PLXDC2: variants seen among roughly 807,000 people sequenced by gnomAD.
The protein encoded by PLXDC2 is plexin domain-containing protein 2.
In PLXDC2, 40 loss-of-function variants were observed where a neutral mutation model predicts 68.9. The observed-to-expected ratio is 0.58, with a 90% CI of 0.45 to 0.76. The LOEUF (loss-of-function observed/expected upper bound fraction) is 0.76, where lower values mean the gene tolerates loss of function less well. Ranked by LOEUF, PLXDC2 falls within the 30% of genes least tolerant of loss-of-function variation. The probability of loss-of-function intolerance (pLI) is 0.00; values close to 1 mark genes in which losing one functional copy is unlikely to be tolerated. For missense variants in PLXDC2, 644 were observed against 661.9 expected (o/e 0.97, Z 0.30); for synonymous variants, 243 against 234.2 (o/e 1.04, Z -0.34).
At chr10:20,195,333 C>A (rs1245690640) in intron 9 of PLXDC2, among the ~76,000 whole-genome samples, 1 of 152,012 alleles carries the variant, frequency 6.6e-6, no homozygotes, top group Admixed American at 6.6e-5. Flanking sequence ...AAAATGCTAA[C>A]CTTCTTAATC....
intron 1 of PLXDC2, among the ~76,000 whole-genome samples, chr10:19,898,363 T>C (rs2131365433): frequency 6.6e-6 from 1 of 152,326 alleles, no homozygotes; most frequent in Non-Finnish European, 1.5e-5. Flanking sequence ...TGGTTATATA[T>C]AGGTAAATTC....
chr10:20,029,721 A>G (rs573005134), intron 2 of PLXDC2, among the ~76,000 whole-genome samples: 113 of 152,354 alleles, frequency 7.4e-4, no homozygotes, highest in African/African-American at 2.7e-3. Context: ...ATTTCTGCAA[A>G]ATCAGCAAAA....
rs1335148626 is a variant in PLXDC2 at position 20,279,734 on chromosome 10, T to C, written c.1505T>C (p.Phe502Ser). 6.2e-7 allele frequency: 1 copy of C among 1,613,960 alleles called. No individual in the cohort carries two copies. ...RRPSRWPAMK[F>S]RRGSGHPAYA... ...CCAAGCAGATGGCCTGCGATGAAGT[T>C]TAGAAGAGGCTCTGGACATCCTGCC... Residue 502 changes from phenylalanine (F) to serine (S), a missense_variant, in exon 14 of 14, where the codon TTT becomes TCT. By Grantham distance (155) the Phe-to-Ser change is radical. Around this residue, in one of 3 missense-constraint regions of PLXDC2, gnomAD observed 330 missense variants for 327.9 expected, o/e 1.01. Transcript: ENST00000377252.
intron 12 of PLXDC2, among the ~76,000 whole-genome samples, chr10:20,220,011 C>T (rs892678982): frequency 1.3e-5 from 2 of 152,094 alleles, no homozygotes; most frequent in Non-Finnish European, 2.9e-5. Context: ...CTTTTTAGGC[C>T]ATTGTTTATA....
intron 4 of PLXDC2, among the ~76,000 whole-genome samples, chr10:20,097,383 A>G (rs1343851940): frequency 2.0e-5 from 3 of 152,180 alleles, no homozygotes; most frequent in Non-Finnish European, 4.4e-5. Flanking sequence ...TTTGAAGTGA[A>G]AACCAATATT....
At chr10:20,231,858 A>C (rs1334429891) in intron 12 of PLXDC2, among the ~76,000 whole-genome samples, 1 of 152,064 alleles carries the variant, frequency 6.6e-6, no homozygotes, top group African/African-American at 2.4e-5. Flanking sequence ...TCTACAAAAA[A>C]ATTAAAAAAT....
intron 1 of PLXDC2, among the ~76,000 whole-genome samples, chr10:19,840,008 A>T (rs114762369): frequency 2.4e-3 from 371 of 152,274 alleles, no homozygotes; most frequent in African/African-American, 8.3e-3. Flanking sequence ...ACAAAAACTA[A>T]ATGTTAACTA....
At chr10:19,993,462 A>G (rs903159894) in intron 1 of PLXDC2, among the ~76,000 whole-genome samples, 2 of 152,144 alleles carry the variant, frequency 1.3e-5, no homozygotes, top group Non-Finnish European at 2.9e-5. Context: ...CTCTGTGTCC[A>G]TGGCTGGAGT....
At chr10:20,130,626 AC>A (rs1564326774) in intron 4 of PLXDC2, among the ~76,000 whole-genome samples, 1 of 152,054 alleles carries the variant, frequency 6.6e-6, no homozygotes, top group Non-Finnish European at 1.5e-5. Flanking sequence ...CTATATGTGG[AC>A]TTGTCATACA....
chr10:20,175,330 A>G (rs533508606), intron 7 of PLXDC2, among the ~76,000 whole-genome samples: 55 of 152,312 alleles, frequency 3.6e-4, no homozygotes, highest in African/African-American at 1.3e-3. Context: ...GCCTGAGGCA[A>G]CACAGATTCC....
intron 10 of PLXDC2, among the ~76,000 whole-genome samples, chr10:20,212,105 G>A (rs1237383422): frequency 1.3e-5 from 2 of 151,944 alleles, no homozygotes; most frequent in Non-Finnish European, 2.9e-5. Flanking sequence ...GTGGGGAGGG[G>A]TGAAGTGTGG....
intron 1 of PLXDC2, among the ~76,000 whole-genome samples, chr10:19,947,519 C>T (rs1192879764): frequency 6.6e-6 from 1 of 152,304 alleles, no homozygotes. Context: ...TCTCCAAAAA[C>T]ATCTTGTGCT....
intron 1 of PLXDC2, among the ~76,000 whole-genome samples, chr10:19,971,623 G>C (rs1244689961): frequency 6.6e-6 from 1 of 152,018 alleles, no homozygotes; most frequent in Non-Finnish European, 1.5e-5. Flanking sequence ...AATACTTTTG[G>C]GCTTTTCTAC....
intron 13 of PLXDC2, among the ~76,000 whole-genome samples, chr10:20,277,005 T>C (rs1836015375): frequency 2.7e-5 from 4 of 150,904 alleles, no homozygotes; most frequent in African/African-American, 7.3e-5. Context: ...AGGTCAGGGG[T>C]TCAAGACCAG....
intron 13 of PLXDC2, among the ~76,000 whole-genome samples, chr10:20,272,731 T>C (rs1019260775): frequency 1.3e-5 from 2 of 152,248 alleles, no homozygotes; most frequent in Non-Finnish European, 2.9e-5. Flanking sequence ...CTAAACTCTG[T>C]TAGTGATAAA....
intron 1 of PLXDC2, among the ~76,000 whole-genome samples, chr10:19,950,158 C>G (rs1233760818): frequency 1.3e-5 from 2 of 152,278 alleles, no homozygotes; most frequent in African/African-American, 4.8e-5. Flanking sequence ...ACTAATTGTC[C>G]TAGTCTGAGA....
chr10:20,041,722 A>AT (rs1835686930), intron 2 of PLXDC2, among the ~76,000 whole-genome samples: 2 of 152,156 alleles, frequency 1.3e-5, no homozygotes, highest in African/African-American at 2.4e-5. Flanking sequence ...GAACAGAAAT[A>AT]CTTTTTCTCC....
At chr10:20,174,612 G>A (rs1356638635) in intron 7 of PLXDC2, among the ~76,000 whole-genome samples, 1 of 152,044 alleles carries the variant, frequency 6.6e-6, no homozygotes, top group Non-Finnish European at 1.5e-5. Flanking sequence ...AAAGACACAG[G>A]AAGGGGAACA....
Position 20,219,101 on chromosome 10 carries a change from A to AG in PLXDC2, c.1312+1dup, listed in dbSNP as rs1358913252. ...TAGCACTACATCTAAAAGATAATGG[A>AG]GGTAGGAATTGATACTTTTCTTTCA... On this transcript the variant is annotated frameshift_variant and splice_region_variant, in exon 12 of 14. Coordinates refer to ENST00000377252, the MANE Select transcript of PLXDC2 (RefSeq NM_032812.9). LOFTEE classifies it high-confidence loss of function. 6.2e-7 allele frequency: 1 copy of AG among 1,603,902 alleles called. No individual in the cohort carries two copies. The highest frequency in any genetic ancestry group is 1.3e-5 in the African/African-American group (1 of 74,588).
Sources: gnomAD v4.1 joint callset for allele counts (sites outside exome capture counted in the v4.1 genomes callset) on GRCh38, gnomAD v4.1.1 for gene constraint, gnomAD v4.1.1 regional missense constraint, MANE v1.5 for transcripts, NCBI Gene and HGNC (gene_info 2026-07-23, HGNC 2026-07-21) for gene names.